MCUR1: variants seen among roughly 807,000 people sequenced by gnomAD.
The protein encoded by MCUR1 is MCU regulator 1.
MCUR1 carries 37 observed loss-of-function variants against 42.0 expected under a neutral mutation model. The observed-to-expected ratio is 0.88, with a 90% CI of 0.68 to 1.16. MCUR1 has a LOEUF of 1.16. MCUR1 is among the 50% of genes most tolerant of loss of function. MCUR1 has a pLI of 0.00. For synonymous variants in MCUR1, 229 were observed against 196.2 expected (o/e 1.17, Z -1.40); for missense variants, 469 against 468.4 (o/e 1.00, Z -0.01).
chr6:13,800,995 A>C (rs114819303), intron 4 of MCUR1, among the ~76,000 whole-genome samples: 1 of 152,236 alleles, frequency 6.6e-6, no homozygotes, highest in Non-Finnish European at 1.5e-5. Flanking sequence ...GAAAAAAATG[A>C]TCTCTTGCTA....
intron 1 of MCUR1, among the ~76,000 whole-genome samples, chr6:13,810,259 T>A (rs1760204006): frequency 6.6e-6 from 1 of 152,094 alleles, no homozygotes; most frequent in Non-Finnish European, 1.5e-5. Flanking sequence ...AATTTTTAAT[T>A]GTGTCATGAA....
rs545858699 is a variant in MCUR1 at position 13,789,634 on chromosome 6, T to C, written c.*1175A>G. 6.6e-6 allele frequency: 1 copy of C among 152,342 alleles called. No homozygotes were observed. The highest frequency in any genetic ancestry group is 1.5e-5 in the Non-Finnish European group (1 of 68,044). The allele number at this position is 152,342 out of a possible 1,614,324, so 9.4% of individuals were successfully genotyped here. On this transcript the variant is annotated 3_prime_UTR_variant, in exon 9 of 9. Transcript: ENST00000379170. ...ATTTATGAAATATGTATCCATCATC[T>C]AGGTATCTTATACATGGAGAGCTGA...
intron 1 of MCUR1, among the ~76,000 whole-genome samples, chr6:13,811,809 T>G (rs1162628080): frequency 6.6e-6 from 1 of 151,980 alleles, no homozygotes; most frequent in Non-Finnish European, 1.5e-5. Flanking sequence ...CACCCCCACA[T>G]AAACAAAACA....
chr6:13,809,195 A>G (rs961618682), intron 1 of MCUR1, among the ~76,000 whole-genome samples: 2 of 152,320 alleles, frequency 1.3e-5, no homozygotes, highest in Admixed American at 1.3e-4. Flanking sequence ...GATCAGTTTG[A>G]AAAGTACTGC....
At chr6:13,801,245 CTT>C (rs765423050) in intron 4 of MCUR1, 41 bp downstream of exon 4, 2 of 1,284,404 alleles carry the variant, frequency 1.6e-6, no homozygotes, top group Admixed American at 1.8e-5. Context: ...ATCTCAATGT[CTT>C]AATATAATCA....
intron 6 of MCUR1, among the ~76,000 whole-genome samples, chr6:13,798,257 G>A (rs9475460): frequency 0.39 from 58,832 of 150,974 alleles, 13,322 homozygotes; most frequent in Non-Finnish European, 0.5. Flanking sequence ...CACCATGCCC[G>A]GCTTATTTTT....
chr6:13,812,265 C>G (rs189975455), intron 1 of MCUR1, among the ~76,000 whole-genome samples: 144 of 152,278 alleles, frequency 9.5e-4, no homozygotes, highest in Middle Eastern at 3.4e-3. Flanking sequence ...CCGAGAACCT[C>G]AGGCACCAAG....
Position 13,790,693 on chromosome 6 carries a change from T to C in MCUR1, c.*116A>G, listed in dbSNP as rs1049708974. On this transcript the variant is annotated 3_prime_UTR_variant, in exon 9 of 9. Coordinates refer to ENST00000379170, the MANE Select transcript of MCUR1 (RefSeq NM_001031713.4). ...GTCTCGAACTCCTGACCTCAGGTAA[T>C]CCACCTGCCTCAGCCTCCCAAAGTG... 3.0e-6 allele frequency: 2 copies of C among 663,376 alleles called. No individual in the cohort carries two copies. The highest frequency in any genetic ancestry group is 5.2e-6 in the Non-Finnish European group (2 of 385,624). 41.1% of individuals were successfully genotyped at this position (663,376 alleles called of 1,614,324 possible). A position where few individuals can be genotyped will look rare whatever the true frequency, so the allele number is the denominator to read the frequency against.
intron 2 of MCUR1, among the ~76,000 whole-genome samples, chr6:13,806,576 G>A (rs547426040): frequency 6.6e-6 from 1 of 152,302 alleles, no homozygotes; most frequent in East Asian, 1.9e-4. Context: ...AAAAAATGAG[G>A]ACTTAAAAAA....
At position 13,806,989 on chromosome 6, in the gene MCUR1, G is replaced by T. The variant is rs1257908413; in HGVS notation, c.471C>A (p.Thr157=). The T allele has an allele frequency of 6.2e-7, 1 of 1,613,596 alleles. No individual in the cohort carries two copies. The highest frequency in any genetic ancestry group is 1.1e-5 in the South Asian group (1 of 91,060). The change falls in exon 2 of 9, where the codon ACC becomes ACA. Residue 157 remains threonine, a synonymous_variant. Coordinates refer to ENST00000379170, the MANE Select transcript of MCUR1 (RefSeq NM_001031713.4). ...AGTAGAGTTTCCTGCTCCCAGAAGA[G>T]GTGAAATCTCTCCTTTTGCGCTCCA... ...LQLERKRRDF[T]SSGSRKLYFD... is the part of the protein sequence containing the mutation.
chr6:13,801,922 G>A (rs1051178045), intron 3 of MCUR1, among the ~76,000 whole-genome samples: 9 of 152,124 alleles, frequency 5.9e-5, no homozygotes, highest in Admixed American at 4.6e-4. Flanking sequence ...GTGAATCACA[G>A]CTAAAAGGGT....
rs572005349 is a variant in MCUR1 at position 13,790,464 on chromosome 6, G to GTTT, written c.*342_*344dup. 15 of 142,672 alleles carry GTTT rather than the reference G, an allele frequency of 1.1e-4. No homozygotes were observed. The highest frequency in any genetic ancestry group is 2.1e-4 in the African/African-American group (8 of 39,022). 8.8% of individuals were successfully genotyped at this position (142,672 alleles called of 1,614,324 possible). On this transcript the variant is annotated 3_prime_UTR_variant, in exon 9 of 9. Coordinates refer to ENST00000379170, the MANE Select transcript of MCUR1 (RefSeq NM_001031713.4). ...AAAAGGACAACAATCTGGTATTCCG[G>GTTT]TTTTTTTTTTTTTTTTGAGACGGAG... is the stretch of plus-strand genomic sequence containing the variant.
At chr6:13,807,350 G>T (rs1760133512) in intron 1 of MCUR1, among the ~76,000 whole-genome samples, 1 of 151,976 alleles carries the variant, frequency 6.6e-6, no homozygotes, top group Admixed American at 6.6e-5. Context: ...GACAAGCACT[G>T]GTCTATTTGC....
chr6:13,814,346 G>A lies in MCUR1; in HGVS notation c.84C>T (p.Ser28=). The part of the protein sequence containing the change: ...QRLLFLPVGL[S]GRPGGSETSA... ...AGGTTTCGCTGCCGCCCGGTCTTCC[G>A]CTGAGGCCCACGGGCAAGAAGAGAA... The change falls in exon 1 of 9, where the codon AGC becomes AGT. Residue 28 remains serine (S), a synonymous_variant. Coordinates refer to ENST00000379170, the MANE Select transcript of MCUR1 (RefSeq NM_001031713.4). 1 of 1,516,012 alleles carries A rather than the reference G, an allele frequency of 6.6e-7. No homozygotes were observed. Among genetic ancestry groups the A allele is most frequent in the Non-Finnish European group, 8.8e-7 (1 of 1,139,956 alleles). The allele number at this position is 1,516,012 out of a possible 1,614,324, so 93.9% of individuals were successfully genotyped here.
chr6:13,803,242 G>A (rs1422335087), intron 2 of MCUR1, among the ~76,000 whole-genome samples: 1 of 152,168 alleles, frequency 6.6e-6, no homozygotes, highest in African/African-American at 2.4e-5. Flanking sequence ...TGTATTTTCA[G>A]TAGAGATGAA....
chr6:13,795,773 T>C (rs573211727), intron 6 of MCUR1, among the ~76,000 whole-genome samples: 47 of 152,218 alleles, frequency 3.1e-4, no homozygotes, highest in Admixed American at 6.5e-4. Flanking sequence ...AGACTACACA[T>C]TGGGTACAGT....
intron 7 of MCUR1, 25 bp downstream of exon 7, chr6:13,793,865 CAAAG>C: frequency 6.2e-7 from 1 of 1,600,428 alleles, no homozygotes; most frequent in Non-Finnish European, 8.6e-7. Flanking sequence ...AGTACAAAGA[CAAAG>C]AAAAATCACA....
chr6:13,801,645 T>C (rs1052458291), intron 3 of MCUR1, among the ~76,000 whole-genome samples: 3 of 151,770 alleles, frequency 2.0e-5, no homozygotes, highest in Non-Finnish European at 4.4e-5. Flanking sequence ...AGCCAAGGAG[T>C]TCGAGACCAG....
At chr6:13,813,653 C>T (rs945119648) in intron 1 of MCUR1, among the ~76,000 whole-genome samples, 3 of 152,218 alleles carry the variant, frequency 2.0e-5, no homozygotes, top group Non-Finnish European at 4.4e-5. Flanking sequence ...CAAACATACA[C>T]ACCCCTTCCC....
Sources: allele counts gnomAD v4.1 joint callset (sites outside exome capture counted in the v4.1 genomes callset), GRCh38; gene constraint gnomAD v4.1.1; transcripts MANE v1.5; gene names NCBI Gene and HGNC (gene_info 2026-07-23, HGNC 2026-07-21).